The following CRPPA variants were observed in gnomAD, a reference collection of about 807,000 sequenced individuals.
CRPPA encodes the protein CDP-L-ribitol pyrophosphorylase A.
Under a neutral mutation model 52.0 loss-of-function variants are expected in CRPPA, and 43 were observed. That is an observed-to-expected ratio of 0.83 (90% confidence interval 0.65 to 1.07). The LOEUF (loss-of-function observed/expected upper bound fraction) is 1.07. CRPPA is among the 50% of genes least tolerant of loss of function. The pLI is 0.00. For missense variants in CRPPA, 629 were observed against 551.7 expected, an observed-to-expected ratio of 1.14 and a Z score of -1.40; for synonymous variants, 250 against 203.5, an observed-to-expected ratio of 1.23 and a Z score of -1.94.
chr7:16,268,171 T>C (rs1338197173), intron 6 of CRPPA, among the ~76,000 whole-genome samples: 9 of 152,040 alleles, frequency 5.9e-5, no homozygotes, highest in Non-Finnish European at 1.0e-4. Context: ...AATGTGACAA[T>C]TGTCTAGATA....
intron 9 of CRPPA, among the ~76,000 whole-genome samples, chr7:16,198,501 C>A (rs1224507559): frequency 4.3e-5 from 5 of 116,362 alleles, no homozygotes; most frequent in Non-Finnish European, 6.8e-5. Flanking sequence ...TTGAGAAACA[C>A]CCACAGATGA....
At chr7:16,311,773 T>C (rs1785039533) in intron 3 of CRPPA, among the ~76,000 whole-genome samples, 2 of 152,116 alleles carry the variant, frequency 1.3e-5, no homozygotes, top group Non-Finnish European at 2.9e-5. Context: ...TCTGATCCAT[T>C]TTGAGTTAAT....
chr7:16,121,878 G>A (rs1043564328), intron 9 of CRPPA, among the ~76,000 whole-genome samples: 12 of 152,076 alleles, frequency 7.9e-5, no homozygotes, highest in Admixed American at 3.3e-4. Flanking sequence ...ATGATCCCTG[G>A]CAGGATCTGT....
At chr7:16,171,363 C>A (rs1490620861) in intron 9 of CRPPA, among the ~76,000 whole-genome samples, 7 of 152,140 alleles carry the variant, frequency 4.6e-5, no homozygotes, top group Non-Finnish European at 1.0e-4. Context: ...TTTCACCTAT[C>A]TTGTGTGCTT....
chr7:16,332,746 C>A (rs970253499), intron 3 of CRPPA, among the ~76,000 whole-genome samples: 1 of 151,970 alleles, frequency 6.6e-6, no homozygotes, highest in Non-Finnish European at 1.5e-5. Flanking sequence ...ATAGCAAGGA[C>A]AACATATATA....
At chr7:16,303,477 T>TAAAAAAAAAAAAAACAAAAA (rs1784832594) in intron 4 of CRPPA, among the ~76,000 whole-genome samples, 2 of 44,970 alleles carry the variant, frequency 4.4e-5, no homozygotes, top group Non-Finnish European at 8.0e-5. Flanking sequence ...CATAAAATAG[T>TAAAAAAAAAAAAAACAAAAA]AAAAAAAAAA....
chr7:16,098,036 A>G (rs568599692), intron 9 of CRPPA, among the ~76,000 whole-genome samples: 1 of 152,344 alleles, frequency 6.6e-6, no homozygotes, highest in South Asian at 2.1e-4. Context: ...TTTTTTAAAA[A>G]GTATATTTTG....
chr7:16,096,704 C>T (rs948821628), intron 9 of CRPPA, among the ~76,000 whole-genome samples: 15 of 152,250 alleles, frequency 9.9e-5, no homozygotes, highest in Middle Eastern at 3.4e-3. Flanking sequence ...ACCTCATCCT[C>T]CCAAAGTACC....
intron 9 of CRPPA, among the ~76,000 whole-genome samples, chr7:16,113,454 A>G (rs1782307585): frequency 1.3e-5 from 2 of 152,148 alleles, no homozygotes; most frequent in African/African-American, 4.8e-5. Flanking sequence ...ACAAAAATTC[A>G]TCAAGGAAAC....
chr7:16,300,716 A>G (rs1277046831), intron 5 of CRPPA, among the ~76,000 whole-genome samples: 1 of 152,160 alleles, frequency 6.6e-6, no homozygotes, highest in African/African-American at 2.4e-5. Context: ...CCAGACTAAA[A>G]TGCCAATATA....
Position 16,126,881 on chromosome 7 carries a change from C to A in CRPPA, c.1252-35082G>T, listed in dbSNP as rs114934093. ...TCATAGAAAAATGAGCAACAAAAGG[C>A]AAAGAAATTTGAACTAATGATTGAT... On this transcript the variant is annotated intron_variant, in intron 9 of 9. Transcript: ENST00000407010. Among the ~76,000 whole-genome samples the A allele has an allele frequency of 2.0e-5, 3 of 151,892 alleles. 1 individual carries two copies. Among genetic ancestry groups the A allele is most frequent in the African/African-American group, 7.2e-5 (3 of 41,452 alleles).
intron 6 of CRPPA, among the ~76,000 whole-genome samples, chr7:16,260,070 C>A (rs948431637): frequency 1.3e-5 from 2 of 151,796 alleles, no homozygotes; most frequent in African/African-American, 2.4e-5. Context: ...TATATTAACA[C>A]CACAATAAAA....
In CRPPA at chr7:16,089,299, CATATATGTGTGTATGCGTACGTATATAA is replaced by C. The variant is rs1457637827; in HGVS notation, c.*2368_*2395del. On this transcript the variant is annotated 3_prime_UTR_variant, in exon 10 of 10. Transcript: ENST00000407010. ...ATATGTGTGTATGCGTACGTATATA[CATATATGTGTGTATGCGTACGTATATAA>C]ATATATGTGTGTATGCGTACGTATA... 5.4e-3 allele frequency: 2,096 copies of C among 384,696 alleles called. 37 individuals are homozygous for C. The highest frequency in any genetic ancestry group is 0.043 in the African/African-American group (1,737 of 40,814). The allele number at this position is 384,696 out of a possible 1,614,324, so 23.8% of individuals were successfully genotyped here.
Position 16,421,133 on chromosome 7 carries a change from TG to T in CRPPA, c.189del (p.Thr64ProfsTer27). On this transcript the variant is annotated frameshift_variant, in exon 1 of 10. Transcript: ENST00000407010. LOFTEE classifies it high-confidence loss of function. ...AGGCGERMGV[P>X]TPKQFCPILE... ...AGGATGGGGCAGAATTGCTTCGGGG[TG>T]GGGACCCCCATCCTCTCCCCGCACC... The T allele has an allele frequency of 1.5e-6, 2 of 1,326,872 alleles. No homozygotes were observed. Among genetic ancestry groups the T allele is most frequent in the South Asian group, 2.2e-5 (1 of 45,816 alleles). The allele number at this position is 1,326,872 out of a possible 1,614,324, so 82.2% of individuals were successfully genotyped here. A position where few individuals can be genotyped will look rare whatever the true frequency, so the allele number is the denominator to read the frequency against.
rs182558298 is a variant in CRPPA, at chr7:16,244,933, T to C, written c.1119+13457A>G. Among the ~76,000 whole-genome samples, 41 of 152,294 alleles carry C rather than the reference T, an allele frequency of 2.7e-4. No homozygotes were observed. In the East Asian group the frequency reaches 6.6e-3, roughly 24 times the overall value. Reference sequence around the variant, plus strand: ...ATATTTTTCTATAACTTTGATATCATTTTGTAATATATTTTCTGATGAATA... The same window carrying C: ...ATATTTTTCTATAACTTTGATATCACTTTGTAATATATTTTCTGATGAATA... On this transcript the variant is annotated intron_variant, in intron 8 of 9. Transcript: ENST00000407010.
At position 16,111,276 on chromosome 7, in the gene CRPPA, T is replaced by C. The variant is rs558934335; in HGVS notation, c.1252-19477A>G. 1.5e-3 allele frequency among the ~76,000 whole-genome samples: 231 copies of C among 152,104 alleles called. 2 individuals carry two copies. Among genetic ancestry groups the C allele is most frequent in the Middle Eastern group, 3.4e-3 (1 of 294 alleles). ...TGGCTACTACCAAGAAGATAAAAGA[T>C]AAGAAATGTTGGCAGGATGTGAAGA... On this transcript the variant is annotated intron_variant, in intron 9 of 9. Transcript: ENST00000407010.
chr7:16,160,350 T>G (rs1449151050), intron 9 of CRPPA, among the ~76,000 whole-genome samples: 2 of 152,216 alleles, frequency 1.3e-5, no homozygotes, highest in Non-Finnish European at 2.9e-5. Context: ...TTGAATAAGG[T>G]ATAAGGAAGG....
chr7:16,117,210 G>T (rs1270796850), intron 9 of CRPPA, among the ~76,000 whole-genome samples: 1 of 152,178 alleles, frequency 6.6e-6, no homozygotes, highest in Admixed American at 6.5e-5. Context: ...TGAATCGGTT[G>T]TTTCTCTCTC....
chr7:16,408,122 TA>T (rs199596938), intron 1 of CRPPA, among the ~76,000 whole-genome samples: 195 of 137,236 alleles, frequency 1.4e-3, no homozygotes, highest in African/African-American at 5.7e-3. Flanking sequence ...AAAAAAAAAA[TA>T]AAAAAATAAC....
Sources: allele counts gnomAD v4.1 joint callset (sites outside exome capture counted in the v4.1 genomes callset), GRCh38; gene constraint gnomAD v4.1.1; transcripts MANE v1.5; gene names NCBI Gene and HGNC (gene_info 2026-07-23, HGNC 2026-07-21).